The following COL22A1 variants were observed in gnomAD, a reference collection of about 807,000 sequenced individuals.
COL22A1 encodes the protein collagen type XXII alpha 1 chain, also known as collagen alpha-1(XXII) chain.
COL22A1 carries 221 observed loss-of-function variants against 248.9 expected under a neutral mutation model. That is an observed-to-expected ratio of 0.89 (90% CI 0.80 to 0.99). The LOEUF is 0.99. COL22A1 is among the 50% of genes least tolerant of loss of function. The pLI, the probability that COL22A1 is intolerant of heterozygous loss-of-function variation, is 0.00. For synonymous variants in COL22A1, 891 were observed against 793.4 expected (o/e 1.12, Z -2.07); for missense variants, 2,240 against 2,179.0 (o/e 1.03, Z -0.56).
intron 11 of COL22A1, among the ~76,000 whole-genome samples, chr8:138,798,090 T>C (rs973316243): frequency 1.3e-5 from 2 of 151,518 alleles, no homozygotes; most frequent in African/African-American, 2.4e-5. Context: ...GTGAAACCTA[T>C]TTGTCTCTTT....
At chr8:138,601,488 G>A (rs1258893913) in intron 60 of COL22A1, among the ~76,000 whole-genome samples, 1 of 152,172 alleles carries the variant, frequency 6.6e-6, no homozygotes, top group Non-Finnish European at 1.5e-5. Context: ...GTGTGACAGC[G>A]TGAGGCTGAC....
At chr8:138,851,529 C>T (rs1821644791) in intron 3 of COL22A1, among the ~76,000 whole-genome samples, 1 of 152,218 alleles carries the variant, frequency 6.6e-6, no homozygotes, top group South Asian at 2.1e-4. Context: ...TGCCAGCCAT[C>T]ACCCATGACT....
At chr8:138,731,195 G>A (rs968691922) in intron 23 of COL22A1, among the ~76,000 whole-genome samples, 5 of 152,070 alleles carry the variant, frequency 3.3e-5, no homozygotes, top group African/African-American at 1.2e-4. Flanking sequence ...CAGCTACTAG[G>A]GAGGCTGAGG....
intron 39 of COL22A1, among the ~76,000 whole-genome samples, chr8:138,680,035 C>T (rs528403534): frequency 6.4e-4 from 98 of 152,290 alleles, no homozygotes; most frequent in African/African-American, 2.2e-3. Context: ...CACTGTGATG[C>T]TAACAAATTC....
rs546556136 is a variant in COL22A1 at position 138,870,148 on chromosome 8, G to A, written c.658+7602C>T. Among the ~76,000 whole-genome samples the A allele has an allele frequency of 4.6e-5, 7 of 151,700 alleles. No individual in the cohort carries two copies. The South Asian group carries it at 1.3e-3, about 27-fold the overall frequency. On this transcript the variant is annotated intron_variant, in intron 3 of 64. Coordinates refer to ENST00000303045, the MANE Select transcript of COL22A1 (RefSeq NM_152888.3). The stretch of plus-strand genomic sequence containing the variant: ...TTTGTGTGGAGGGTCTTATGTGCAT[G>A]GTGTGCCTGTGTGTGGGTGTGGAGG...
At position 138,679,684 on chromosome 8, in the gene COL22A1, T is replaced by C. The variant is rs771559699; in HGVS notation, c.3013-8A>G. ...GACTTTTCCGCAAGCAGCCTGAAAG[T>C]AGAAAATCTTCACTCATTTCTTCAC... On this transcript the variant is annotated splice_region_variant and splice_polypyrimidine_tract_variant and intron_variant, in intron 39 of 64. Coordinates refer to ENST00000303045, the MANE Select transcript of COL22A1 (RefSeq NM_152888.3). 1.7e-5 allele frequency: 28 copies of C among 1,613,246 alleles called. No individual in the cohort carries two copies. Among genetic ancestry groups the C allele is most frequent in the Non-Finnish European group, 2.1e-5 (25 of 1,179,388 alleles).
chr8:138,721,000 A>G (rs892636409), intron 26 of COL22A1, among the ~76,000 whole-genome samples: 15 of 152,214 alleles, frequency 9.9e-5, no homozygotes, highest in African/African-American at 3.6e-4. Context: ...TGTAATTTTG[A>G]TTTAGAAAAA....
At chr8:138,780,639 C>G (rs1185742696) in intron 13 of COL22A1, among the ~76,000 whole-genome samples, 1 of 152,134 alleles carries the variant, frequency 6.6e-6, no homozygotes, top group Non-Finnish European at 1.5e-5. Flanking sequence ...GGGCTAGTTC[C>G]AAGTCTAGGC....
At chr8:138,617,311 C>T (rs7016969) in intron 53 of COL22A1, among the ~76,000 whole-genome samples, 77,248 of 151,962 alleles carry the variant, frequency 0.51, 24,218 homozygotes, top group Middle Eastern at 0.68. Context: ...CCTCTCTGCA[C>T]GGCTCCTGAG....
chr8:138,638,015 T>C (rs148301295), intron 47 of COL22A1, among the ~76,000 whole-genome samples: 473 of 151,182 alleles, frequency 3.1e-3, no homozygotes, highest in African/African-American at 0.01. Context: ...AACAACACCA[T>C]GACTATTGTC....
chr8:138,607,360 G>A (rs1274987870), intron 57 of COL22A1, among the ~76,000 whole-genome samples: 1 of 152,104 alleles, frequency 6.6e-6, no homozygotes, highest in Non-Finnish European at 1.5e-5. Flanking sequence ...TCCAACCCTA[G>A]AACCCATTAA....
intron 50 of COL22A1, 97 bp from the exon 51 acceptor site, chr8:138,626,340 T>C: frequency 1.0e-6 from 1 of 976,862 alleles, no homozygotes; most frequent in Non-Finnish European, 1.6e-6. Flanking sequence ...GTTGGGGGAG[T>C]GAGTGTTTGG....
At chr8:138,649,999 A>C (rs751515703) in intron 45 of COL22A1, among the ~76,000 whole-genome samples, 2 of 152,192 alleles carry the variant, frequency 1.3e-5, no homozygotes, top group Non-Finnish European at 2.9e-5. Context: ...AGGTTTCAGC[A>C]CTGACATATC....
Position 138,646,675 on chromosome 8 carries a change from G to A in COL22A1, c.3455C>T (p.Ala1152Val). ...GGGCCCTGGTAGGCCTGGAGGCCCA[G>A]CCTCTCCCTGTATCAGGGATACAAG... ...REGTEGKKGE[A>V]GPPGLPGPPG... Residue 1152 changes from alanine to valine, a missense_variant, in exon 47 of 65, where the codon GCT becomes GTT. Transcript: ENST00000303045. 6.3e-7 allele frequency: 1 copy of A among 1,578,844 alleles called. No homozygotes were observed. The highest frequency in any genetic ancestry group is 8.6e-7 in the Non-Finnish European group (1 of 1,161,738).
chr8:138,869,602 C>A (rs1006152833), intron 3 of COL22A1, among the ~76,000 whole-genome samples: 4 of 152,228 alleles, frequency 2.6e-5, no homozygotes, highest in African/African-American at 9.6e-5. Context: ...ACATTTAAAA[C>A]AAATGATGAG....
chr8:138,664,209 G>GCGCGCGCGCACA (rs1440442280), intron 41 of COL22A1, among the ~76,000 whole-genome samples: 140 of 103,198 alleles, frequency 1.4e-3, no homozygotes, highest in Non-Finnish European at 2.0e-3. Flanking sequence ...GCGCGCGCGC[G>GCGCGCGCGCACA]CACACACACA....
chr8:138,832,481 G>C (rs561864921), intron 5 of COL22A1, among the ~76,000 whole-genome samples: 3 of 152,168 alleles, frequency 2.0e-5, no homozygotes, highest in African/African-American at 7.2e-5. Context: ...GGCCCAATAA[G>C]TGTCAGGAAC....
chr8:138,882,900 C>A (rs956034004), intron 2 of COL22A1, among the ~76,000 whole-genome samples, 182 bp downstream of exon 2: 1 of 152,178 alleles, frequency 6.6e-6, no homozygotes. Flanking sequence ...TGCTGAGGAG[C>A]TGGTGATTTT....
chr8:138,703,431 T>G (rs1828131671), intron 30 of COL22A1, 84 bp from the exon 31 acceptor site: 2 of 1,307,240 alleles, frequency 1.5e-6, no homozygotes, highest in Admixed American at 1.7e-5. Flanking sequence ...AACACTATTT[T>G]CCCCAGACAA....
Sources: gnomAD v4.1 joint callset for allele counts (sites outside exome capture counted in the v4.1 genomes callset) on GRCh38, gnomAD v4.1.1 for gene constraint, MANE v1.5 for transcripts, NCBI Gene and HGNC (gene_info 2026-07-23, HGNC 2026-07-21) for gene names.